TRAPPC11: variants seen among roughly 807,000 people sequenced by gnomAD.
The protein encoded by TRAPPC11 is foie gras homolog.
A neutral mutation model predicts 151.2 loss-of-function variants in TRAPPC11; 104 were observed. That is an observed-to-expected ratio of 0.69 (90% CI 0.59 to 0.81). The LOEUF (loss-of-function observed/expected upper bound fraction) is 0.81, where lower values mean the gene tolerates loss of function less well. TRAPPC11 is among the 30% of genes least tolerant of loss of function. TRAPPC11 has a pLI of 0.00. For missense variants in TRAPPC11, 1,230 were observed against 1,349.6 expected (o/e 0.91, Z 1.39); for synonymous variants, 456 against 472.3 (o/e 0.97, Z 0.45).
Position 183,697,484 on chromosome 4 carries a change from C to A in TRAPPC11, c.2629-19C>A. The A allele has an allele frequency of 6.3e-7, 1 of 1,592,026 alleles. No homozygotes were observed. The highest frequency in any genetic ancestry group is 1.2e-5 in the South Asian group (1 of 86,118). On this transcript the variant is annotated intron_variant, in intron 23 of 29. Coordinates refer to ENST00000334690, the MANE Select transcript of TRAPPC11 (RefSeq NM_021942.6). Reference sequence around the variant, plus strand: ...AGATTTAGAAAATCCATGAATGTGCCCTTTACATTTTCTTGCAGGATGAAA... The same window carrying A: ...AGATTTAGAAAATCCATGAATGTGCACTTTACATTTTCTTGCAGGATGAAA...
At chr4:183,705,260 C>G (rs984289108) in intron 27 of TRAPPC11, among the ~76,000 whole-genome samples, 190 bp downstream of exon 27, 1 of 152,016 alleles carries the variant, frequency 6.6e-6, no homozygotes, top group African/African-American at 2.4e-5. Flanking sequence ...GGAACAAATC[C>G]CTAGATACAA....
chr4:183,663,358 T>C (rs895815376), intron 1 of TRAPPC11, among the ~76,000 whole-genome samples: 8 of 152,074 alleles, frequency 5.3e-5, no homozygotes, highest in African/African-American at 1.4e-4. Context: ...CTCAGCCTCC[T>C]GAGTAGCTGG....
At chr4:183,663,327 G>A (rs927512738) in intron 1 of TRAPPC11, among the ~76,000 whole-genome samples, 25 of 152,052 alleles carry the variant, frequency 1.6e-4, no homozygotes, top group Admixed American at 1.4e-3. Context: ...TCCACCTCCC[G>A]GGTTCACGCC....
intron 25 of TRAPPC11, among the ~76,000 whole-genome samples, chr4:183,698,410 T>C (rs988715308): frequency 2.6e-5 from 4 of 152,168 alleles, no homozygotes; most frequent in African/African-American, 9.7e-5. Flanking sequence ...GAAATCATTG[T>C]CTCTGTCCTA....
At chr4:183,711,389 C>T (rs1737333711) in intron 29 of TRAPPC11, among the ~76,000 whole-genome samples, 1 of 152,228 alleles carries the variant, frequency 6.6e-6, no homozygotes, top group African/African-American at 2.4e-5. Flanking sequence ...TGAATCCATA[C>T]TTTTCTTCCT....
intron 5 of TRAPPC11, among the ~76,000 whole-genome samples, chr4:183,670,659 G>A (rs1017681698): frequency 6.6e-6 from 1 of 152,202 alleles, no homozygotes; most frequent in Non-Finnish European, 1.5e-5. Context: ...AGACTGGAGT[G>A]CAGTGGCACA....
intron 6 of TRAPPC11, 29 bp downstream of exon 6, chr4:183,674,841 A>C: frequency 7.8e-7 from 1 of 1,278,318 alleles, no homozygotes; most frequent in Non-Finnish European, 1.1e-6. Context: ...TAATAGAAGC[A>C]TTCTGGAGCG....
chr4:183,696,326 G>C (rs1156496950), intron 23 of TRAPPC11, among the ~76,000 whole-genome samples: 2 of 152,128 alleles, frequency 1.3e-5, no homozygotes, highest in Non-Finnish European at 2.9e-5. Context: ...CTTTTTTAAA[G>C]GTTTCTTACC....
At chr4:183,709,407 CTT>C (rs1319971374) in intron 29 of TRAPPC11, among the ~76,000 whole-genome samples, 3 of 152,102 alleles carry the variant, frequency 2.0e-5, no homozygotes, top group African/African-American at 4.8e-5. Flanking sequence ...TATTTCCAGA[CTT>C]TTATACAGAG....
In TRAPPC11 at chr4:183,680,171, A is replaced by C. The variant is rs1408387393; in HGVS notation, c.1017A>C (p.Thr339=). ...ATGAAGCTATTAAGTTAGGGTTAAC[A>C]GCTATTCAAACTCAGAATCCTGGTT... ...LFDEAIKLGL[T]AIQTQNPGFY... is the part of the protein sequence containing the mutation. Residue 339 remains threonine, a synonymous_variant, in exon 10 of 30, where the codon ACA becomes ACC. Transcript: ENST00000334690. 2 of 1,613,988 alleles carry C rather than the reference A, an allele frequency of 1.2e-6. No individual in the cohort carries two copies. Among genetic ancestry groups the C allele is most frequent in the Non-Finnish European group, 1.7e-6 (2 of 1,179,998 alleles).
chr4:183,691,205 C>G, intron 18 of TRAPPC11, 111 bp from the exon 19 acceptor site: 1 of 807,220 alleles, frequency 1.2e-6, no homozygotes, highest in Non-Finnish European at 1.8e-6. Flanking sequence ...TATTAGTAAC[C>G]CTTCATAATG....
chr4:183,693,550 T>A, intron 20 of TRAPPC11, 39 bp from the exon 21 acceptor site: 1 of 1,569,516 alleles, frequency 6.4e-7, no homozygotes, highest in Non-Finnish European at 8.6e-7. Context: ...TATTTGCTTT[T>A]TTTTTGATCA....
intron 1 of TRAPPC11, among the ~76,000 whole-genome samples, chr4:183,661,720 T>G (rs1579147988): frequency 6.6e-6 from 1 of 151,440 alleles, no homozygotes; most frequent in East Asian, 1.9e-4. Context: ...CAAATAAGAT[T>G]ATATTTAAAA....
chr4:183,697,552 A>T lies in TRAPPC11; in HGVS notation c.2678A>T (p.Lys893Ile). ...GTCTTTCCATTTGATGTTGCGGTTA[A>T]ATTTGTTTCTACCAAGGTATGTTTC... ...ETVFPFDVAV[K>I]FVSTKFEHLE... Residue 893 changes from lysine to isoleucine, a missense_variant, in exon 24 of 30, where the codon AAA becomes ATA. Lys to Ile is a moderately radical substitution (Grantham distance 102). Transcript: ENST00000334690. The T allele has an allele frequency of 6.2e-7, 1 of 1,603,726 alleles. No individual in the cohort carries two copies. Among genetic ancestry groups the T allele is most frequent in the South Asian group, 1.1e-5 (1 of 88,476 alleles).
intron 3 of TRAPPC11, among the ~76,000 whole-genome samples, chr4:183,666,673 G>A (rs1044832135): frequency 6.6e-6 from 1 of 152,072 alleles, no homozygotes; most frequent in Non-Finnish European, 1.5e-5. Context: ...TATCTTTTTT[G>A]GAGACATAGT....
At chr4:183,706,261 C>T (rs902064336) in intron 27 of TRAPPC11, among the ~76,000 whole-genome samples, 18 of 152,186 alleles carry the variant, frequency 1.2e-4, no homozygotes, top group Admixed American at 3.3e-4. Context: ...CGGTGGCTCA[C>T]GCCTGTAATC....
At chr4:183,674,273 C>G (rs1211853012) in intron 5 of TRAPPC11, among the ~76,000 whole-genome samples, 1 of 151,970 alleles carries the variant, frequency 6.6e-6, no homozygotes, top group East Asian at 1.9e-4. Context: ...TAAAAATTAG[C>G]TAGGCATGGT....
chr4:183,663,742 T>G (rs1734686459), intron 1 of TRAPPC11, 105 bp from the exon 2 acceptor site: 3 of 509,020 alleles, frequency 5.9e-6, no homozygotes, highest in Middle Eastern at 5.6e-4. Context: ...AGTTGTTTTT[T>G]TTTTTTTTTT....
intron 6 of TRAPPC11, 150 bp from the exon 7 acceptor site, chr4:183,675,014 T>C: frequency 1.8e-6 from 1 of 568,158 alleles, no homozygotes; most frequent in East Asian, 3.3e-5. Flanking sequence ...TTTATAGCCT[T>C]CTTAATTGTG....
Sources: gnomAD v4.1 joint callset for allele counts (sites outside exome capture counted in the v4.1 genomes callset) on GRCh38, gnomAD v4.1.1 for gene constraint, MANE v1.5 for transcripts, NCBI Gene and HGNC (gene_info 2026-07-23, HGNC 2026-07-21) for gene names.